LRP1B: variants seen among roughly 807,000 people sequenced by gnomAD.
LRP1B encodes the protein low-density lipoprotein receptor-related protein 1B.
LRP1B carries 217 observed loss-of-function variants against 556.6 expected under a neutral mutation model. The ratio of observed to expected loss-of-function variants is 0.39; its 90% CI spans 0.35 to 0.44. The LOEUF is 0.44. LRP1B is among the 20% of genes least tolerant of loss of function. The pLI, the probability that LRP1B is intolerant of heterozygous loss-of-function variation, is 1.00. For synonymous variants in LRP1B, 2,047 were observed against 1,865.8 expected (o/e 1.10, Z -2.50); for missense variants, 5,053 against 5,620.8 (o/e 0.90, Z 3.23).
At chr2:140,539,630 C>G (rs1680059728) in intron 45 of LRP1B, among the ~76,000 whole-genome samples, 1 of 152,132 alleles carries the variant, frequency 6.6e-6, no homozygotes, top group Non-Finnish European at 1.5e-5. Flanking sequence ...CATTGCTTCA[C>G]TACTAGCCTG....
At chr2:141,599,071 C>A (rs1574123757) in intron 2 of LRP1B, among the ~76,000 whole-genome samples, 3 of 101,380 alleles carry the variant, frequency 3.0e-5, no homozygotes, top group African/African-American at 4.1e-5. Flanking sequence ...CCCCCCCCCC[C>A]CCCGCTTTAA....
chr2:140,233,911 C>T (rs1247831384), intron 90 of LRP1B, among the ~76,000 whole-genome samples: 1 of 151,268 alleles, frequency 6.6e-6, no homozygotes, highest in African/African-American at 2.4e-5. Context: ...GTGATGTACA[C>T]AGTCATCTTA....
chr2:141,150,667 A>C (rs1209582506), intron 7 of LRP1B, among the ~76,000 whole-genome samples: 1 of 152,198 alleles, frequency 6.6e-6, no homozygotes, highest in East Asian at 1.9e-4. Context: ...TTTCACGTCC[A>C]AAATCCCTGT....
At chr2:140,501,175 T>C (rs1333818345) in intron 55 of LRP1B, among the ~76,000 whole-genome samples, 1 of 152,010 alleles carries the variant, frequency 6.6e-6, no homozygotes, top group Non-Finnish European at 1.5e-5. Context: ...GGATATTACA[T>C]ATGGTTTATT....
At chr2:141,989,260 T>A (rs925726220) in intron 1 of LRP1B, among the ~76,000 whole-genome samples, 5 of 116,072 alleles carry the variant, frequency 4.3e-5, no homozygotes, top group African/African-American at 1.9e-4. Context: ...TTTAAAGTTT[T>A]TTCTAGAAAA....
At chr2:140,494,606 CAAAAA>C (rs77006034) in intron 56 of LRP1B, among the ~76,000 whole-genome samples, 1 of 64,194 alleles carries the variant, frequency 1.6e-5, no homozygotes, top group Admixed American at 1.8e-4. Flanking sequence ...GACTCCGTCT[CAAAAA>C]AAAAAAAAAA....
chr2:140,789,933 G>A (rs1472295898), intron 32 of LRP1B, among the ~76,000 whole-genome samples: 1 of 151,878 alleles, frequency 6.6e-6, no homozygotes, highest in East Asian at 1.9e-4. Flanking sequence ...CCCGGCCAAG[G>A]ACTTTTTATT....
chr2:140,813,505 A>C, intron 32 of LRP1B, 152 bp downstream of exon 32: 1 of 629,626 alleles, frequency 1.6e-6, no homozygotes, highest in Non-Finnish European at 2.7e-6. Flanking sequence ...AAAGAGGAAA[A>C]GAAGGAAGAG....
chr2:140,318,644 G>C (rs1447439875), intron 82 of LRP1B, among the ~76,000 whole-genome samples: 1 of 152,006 alleles, frequency 6.6e-6, no homozygotes, highest in Non-Finnish European at 1.5e-5. Flanking sequence ...CTGGAAGCTA[G>C]AATTTCCAAT....
chr2:141,527,555 T>A (rs1205121876), intron 2 of LRP1B, among the ~76,000 whole-genome samples: 3 of 152,110 alleles, frequency 2.0e-5, no homozygotes, highest in Admixed American at 2.0e-4. Context: ...CAAATGGAAT[T>A]CCATCAGATT....
intron 32 of LRP1B, among the ~76,000 whole-genome samples, chr2:140,799,688 C>T (rs1001209092): frequency 1.3e-5 from 2 of 152,158 alleles, no homozygotes; most frequent in African/African-American, 4.8e-5. Flanking sequence ...GCATATATAA[C>T]TTAGTATATC....
chr2:141,713,880 C>T (rs768412630), intron 2 of LRP1B, among the ~76,000 whole-genome samples: 6 of 152,184 alleles, frequency 3.9e-5, no homozygotes, highest in East Asian at 3.9e-4. Context: ...AATCACACAC[C>T]GCGTCTTTTT....
chr2:140,402,337 G>C (rs998575647), intron 66 of LRP1B, among the ~76,000 whole-genome samples: 4 of 152,126 alleles, frequency 2.6e-5, no homozygotes, highest in Non-Finnish European at 2.9e-5. Context: ...GAAGCCTTGA[G>C]GCTCATGAAG....
At chr2:142,048,065 CTA>C (rs35672229) in intron 1 of LRP1B, among the ~76,000 whole-genome samples, 80,694 of 151,644 alleles carry the variant, frequency 0.53, 22,174 homozygotes, top group East Asian at 0.69. Flanking sequence ...CACTATTCTA[CTA>C]TATCATAAGT....
At chr2:141,389,456 C>A (rs573922283) in intron 3 of LRP1B, among the ~76,000 whole-genome samples, 16 of 152,092 alleles carry the variant, frequency 1.1e-4, no homozygotes, top group African/African-American at 3.9e-4. Flanking sequence ...TCACACCATA[C>A]GCAAAAATTA....
chr2:140,664,204 T>A (rs1685191096), intron 41 of LRP1B, among the ~76,000 whole-genome samples: 1 of 152,170 alleles, frequency 6.6e-6, no homozygotes, highest in South Asian at 2.1e-4. Flanking sequence ...TTGCAAGAAT[T>A]ACCAAAATGT....
chr2:142,079,667 G>A (rs113130441), intron 1 of LRP1B, among the ~76,000 whole-genome samples: 31,515 of 151,714 alleles, frequency 0.21, 3,494 homozygotes, highest in Middle Eastern at 0.43. Flanking sequence ...GCACCAACAT[G>A]CCCAGCTAAT....
chr2:140,702,629 C>A (rs373302691), intron 37 of LRP1B, 76 bp from the exon 38 acceptor site: 2 of 1,325,436 alleles, frequency 1.5e-6, no homozygotes, highest in Non-Finnish European at 1.1e-6. Context: ...AAAGACATTA[C>A]TAATAACAGC....
chr2:140,852,690 A>G (rs1291886515), intron 27 of LRP1B, among the ~76,000 whole-genome samples: 1 of 152,156 alleles, frequency 6.6e-6, no homozygotes, highest in African/African-American at 2.4e-5. Flanking sequence ...ATTGCTCCAC[A>G]TGTACATACT....
Sources: allele counts gnomAD v4.1 joint callset (sites outside exome capture counted in the v4.1 genomes callset), GRCh38; gene constraint gnomAD v4.1.1; transcripts MANE v1.5; gene names NCBI Gene and HGNC (gene_info 2026-07-23, HGNC 2026-07-21).